Variants in RMI1 observed in about 807,000 individuals in gnomAD.
The protein encoded by RMI1 is RecQ mediated genome instability 1, also known as recQ-mediated genome instability protein 1.
In RMI1, 36 loss-of-function variants were observed where a neutral mutation model predicts 46.7. The observed-to-expected ratio is 0.77, with a 90% confidence interval of 0.59 to 1.02. The LOEUF is 1.02. RMI1 is among the 50% of genes least tolerant of loss of function. The pLI is 0.00. For synonymous variants in RMI1, 250 were observed against 252.9 expected, an observed-to-expected ratio of 0.99 and a Z score of 0.11; for missense variants, 676 against 713.7, an observed-to-expected ratio of 0.95 and a Z score of 0.60.
At chr9:83,989,455 CAAG>C (rs1957536025) in intron 1 of RMI1, among the ~76,000 whole-genome samples, 1 of 151,978 alleles carries the variant, frequency 6.6e-6, no homozygotes, top group African/African-American at 2.4e-5. Context: ...GGATTAATAA[CAAG>C]AATATATAAG....
Position 84,002,572 on chromosome 9 carries a change from G to A in RMI1, c.1586G>A (p.Ser529Asn), listed in dbSNP as rs1957755089. 1.2e-6 allele frequency: 2 copies of A among 1,613,972 alleles called. No homozygotes were observed. Among genetic ancestry groups the A allele is most frequent in the African/African-American group, 2.7e-5 (2 of 75,046 alleles). ...CTCTCAAGTTCTGGTGGTATTTGGA[G>A]TATAACTGCAAAGGTGTCTGATGGT... ...GNLSSSGGIWSITAKVSDGTA... is the reference protein window; with the variant it reads ...GNLSSSGGIWNITAKVSDGTA... The change falls in exon 3 of 3, where the codon AGT becomes AAT. Residue 529 changes from serine (S) to asparagine (N), a missense_variant. Physicochemically the swap from Ser to Asn is conservative, Grantham distance 46. Transcript: ENST00000445877.
rs746846212 is a variant in RMI1 at position 84,000,953 on chromosome 9, AATAG to A, written c.-31_-28del. ...ATTTTTTTGTTTTTTGTTTTCAGGT[AATAG>A]ATGCATATTATTTCTTTTATTTAAA... On this transcript the variant is annotated 5_prime_UTR_variant, in exon 3 of 3. In the 5' UTR this introduces an upstream ATG that the reference lacks. Transcript: ENST00000445877. 2.0e-6 allele frequency: 3 copies of A among 1,499,202 alleles called. No homozygotes were observed. The highest frequency in any genetic ancestry group is 2.7e-6 in the Non-Finnish European group (3 of 1,112,768). The allele number at this position is 1,499,202 out of a possible 1,614,324, so 92.9% of individuals were successfully genotyped here.
At chr9:83,990,795 C>A (rs1957561427) in intron 1 of RMI1, among the ~76,000 whole-genome samples, 1 of 151,794 alleles carries the variant, frequency 6.6e-6, no homozygotes, top group South Asian at 2.1e-4. Context: ...TTCTTTCTTT[C>A]TTTCTTTTTA....
At chr9:83,982,230 T>C (rs955921538) in intron 1 of RMI1, among the ~76,000 whole-genome samples, 2 of 152,232 alleles carry the variant, frequency 1.3e-5, no homozygotes, top group African/African-American at 4.8e-5. Flanking sequence ...ACCTGAGACA[T>C]GTCACTGACA....
rs1355722945 is a variant in RMI1 at position 84,001,896 on chromosome 9, A to G, written c.910A>G (p.Ile304Val). The G allele has an allele frequency of 6.2e-7, 1 of 1,613,944 alleles. No homozygotes were observed. The highest frequency in any genetic ancestry group is 8.5e-7 in the Non-Finnish European group (1 of 1,179,960). The change falls in exon 3 of 3, where the codon ATA becomes GTA. Residue 304 changes from isoleucine (I) to valine (V), a missense_variant. Coordinates refer to ENST00000445877, the MANE Select transcript of RMI1 (RefSeq NM_001358291.2). ...AAAAGAGGAACCATCAAACCTATCT[A>G]TACATGTAATGGATGGAGAATTAGA... ...RPKEEPSNLS[I>V]HVMDGELDDF...
At chr9:83,981,465 T>C (rs900028057) in intron 1 of RMI1, among the ~76,000 whole-genome samples, 10 of 152,132 alleles carry the variant, frequency 6.6e-5, no homozygotes, top group African/African-American at 2.4e-4. Context: ...TTCTAGCGGG[T>C]TCAGCGCACA....
At chr9:83,986,003 C>CA (rs1336675617) in intron 1 of RMI1, among the ~76,000 whole-genome samples, 10 of 149,992 alleles carry the variant, frequency 6.7e-5, no homozygotes, top group Admixed American at 2.7e-4. Flanking sequence ...AGCAAGACTC[C>CA]AAAAAAAACC....
chr9:83,987,873 A>G (rs896780047), intron 1 of RMI1, among the ~76,000 whole-genome samples: 10 of 152,186 alleles, frequency 6.6e-5, no homozygotes, highest in Non-Finnish European at 1.0e-4. Context: ...CCGTTCACCA[A>G]ATGAAGGACA....
intron 1 of RMI1, among the ~76,000 whole-genome samples, chr9:83,982,221 C>T (rs1317870605): frequency 3.3e-5 from 5 of 152,168 alleles, no homozygotes; most frequent in Non-Finnish European, 7.3e-5. Flanking sequence ...TCATTTAAAA[C>T]CTGAGACATG....
chr9:83,992,292 T>C (rs1247330782), intron 1 of RMI1, among the ~76,000 whole-genome samples: 1 of 152,184 alleles, frequency 6.6e-6, no homozygotes, highest in Admixed American at 6.5e-5. Context: ...ATATATATCA[T>C]TGAATCATTA....
At chr9:83,997,669 A>AG (rs1957678467) in intron 1 of RMI1, among the ~76,000 whole-genome samples, 3 of 152,178 alleles carry the variant, frequency 2.0e-5, no homozygotes, top group South Asian at 4.1e-4. Flanking sequence ...AGCAGCACTG[A>AG]GGGGGAAATC....
intron 1 of RMI1, among the ~76,000 whole-genome samples, chr9:83,981,440 T>C (rs1403218608): frequency 6.6e-6 from 1 of 152,208 alleles, no homozygotes; most frequent in African/African-American, 2.4e-5. Context: ...ACCCTTGCCC[T>C]CAAACGTGCT....
intron 1 of RMI1, 84 bp downstream of exon 1, chr9:83,980,975 TCTGTGGG>T (rs1957370413): frequency 6.6e-6 from 1 of 152,320 alleles, no homozygotes; most frequent in Non-Finnish European, 1.5e-5. Context: ...CGGGCTGTGG[TCTGTGGG>T]CTGTGGGACG....
At chr9:83,999,180 A>G (rs1564084281) in intron 1 of RMI1, among the ~76,000 whole-genome samples, 1 of 109,200 alleles carries the variant, frequency 9.2e-6, no homozygotes, top group African/African-American at 3.4e-5. Flanking sequence ...GAATAGAATA[A>G]AATAAAATAA....
intron 1 of RMI1, among the ~76,000 whole-genome samples, chr9:83,988,077 G>T (rs1243111142): frequency 6.6e-6 from 1 of 151,904 alleles, no homozygotes; most frequent in African/African-American, 2.4e-5. Context: ...CAGATAGAGA[G>T]ATAGAGATAT....
At position 84,001,513 on chromosome 9, in the gene RMI1, G is replaced by A. The variant is rs752835999; in HGVS notation, c.527G>A (p.Arg176His). 1.4e-5 allele frequency: 23 copies of A among 1,613,694 alleles called. No individual in the cohort carries two copies. The highest frequency in any genetic ancestry group is 5.0e-5 in the Admixed American group (3 of 59,972). Residue 176 changes from arginine (R) to histidine (H), a missense_variant, in exon 3 of 3, where the codon CGT (arginine) becomes CAT (histidine). Transcript: ENST00000445877. The stretch of plus-strand genomic sequence containing the variant: ...TTGATTTATGGAAATATATCTTTCC[G>A]TCTTGGTGTTCTCTTATTGAAACCA... ...KILIYGNISF[R>H]LGVLLLKPEN...
At chr9:83,999,825 C>G (rs1360574989) in intron 2 of RMI1, 28 bp downstream of exon 2, 1 of 152,168 alleles carries the variant, frequency 6.6e-6, no homozygotes, top group Non-Finnish European at 1.5e-5. Flanking sequence ...CATAGTAAAA[C>G]TTTAATATAT....
At chr9:84,000,893 A>G in intron 2 of RMI1, 58 bp from the exon 3 acceptor site, 1 of 866,472 alleles carries the variant, frequency 1.2e-6, no homozygotes, top group Non-Finnish European at 1.8e-6. Flanking sequence ...GTAGAGAATT[A>G]CAGAAGCTGT....
intron 1 of RMI1, among the ~76,000 whole-genome samples, chr9:83,985,028 G>A (rs968169905): frequency 6.6e-6 from 1 of 152,000 alleles, no homozygotes; most frequent in African/African-American, 2.4e-5. Context: ...TGTGACTATG[G>A]TTACCCAATT....
Sources: gnomAD v4.1 joint callset for allele counts (sites outside exome capture counted in the v4.1 genomes callset) on GRCh38, gnomAD v4.1.1 for gene constraint, MANE v1.5 for transcripts, NCBI Gene and HGNC (gene_info 2026-07-23, HGNC 2026-07-21) for gene names.